The following ADGRV1 variants were observed in gnomAD, a reference collection of about 807,000 sequenced individuals.
ADGRV1 encodes adhesion G protein-coupled receptor V1.
Under a neutral mutation model 596.2 loss-of-function variants are expected in ADGRV1, and 359 were observed. The observed-to-expected ratio is 0.60, with a 90% CI of 0.55 to 0.66. The LOEUF is 0.66. ADGRV1 is among the 30% of genes least tolerant of loss of function. ADGRV1 has a pLI of 0.00. For missense variants in ADGRV1, 7,274 were observed against 7,575.6 expected, an observed-to-expected ratio of 0.96 and a Z score of 1.48; for synonymous variants, 2,681 against 2,679.2, an observed-to-expected ratio of 1.00 and a Z score of -0.02.
At chr5:90,896,715 T>C (rs1484505612) in intron 83 of ADGRV1, among the ~76,000 whole-genome samples, 3 of 152,196 alleles carry the variant, frequency 2.0e-5, no homozygotes, top group African/African-American at 7.2e-5. Context: ...CTTTATTATA[T>C]GGTTTAAATA....
Position 91,096,149 on chromosome 5 carries a change from CAGA to C in ADGRV1, c.18311-6067_18311-6065del, listed in dbSNP as rs528246055. Among the ~76,000 whole-genome samples, 256 of 152,240 alleles carry C rather than the reference CAGA, an allele frequency of 1.7e-3. 1 individual carries two copies. Among genetic ancestry groups the C allele is most frequent in the African/African-American group, 6.0e-3 (249 of 41,524 alleles). ...GTAGCACATTCCAAATTGTTAGTATCAGAAGGTCAGTGAGGTAAAATTAAAACA... is the reference window on the plus strand; with the variant it reads ...GTAGCACATTCCAAATTGTTAGTATCAGGTCAGTGAGGTAAAATTAAAACA... On this transcript the variant is annotated intron_variant, in intron 86 of 89. Transcript: ENST00000405460.
intron 83 of ADGRV1, among the ~76,000 whole-genome samples, chr5:90,953,459 C>T (rs1777214897): frequency 6.6e-6 from 1 of 152,068 alleles, no homozygotes; most frequent in Admixed American, 6.6e-5. Context: ...TAGGACAGTT[C>T]TGGAATTTAT....
At chr5:90,989,776 C>T (rs1447037724) in intron 85 of ADGRV1, among the ~76,000 whole-genome samples, 1 of 152,090 alleles carries the variant, frequency 6.6e-6, no homozygotes, top group Non-Finnish European at 1.5e-5. Context: ...CCTTGTTTTC[C>T]TTTGTAACTG....
At position 90,755,167 on chromosome 5, in the gene ADGRV1, C is replaced by T. The variant is rs182115637; in HGVS notation, c.11562C>T (p.Ala3854=). The change falls in exon 55 of 90, where the codon GCC becomes GCT. Residue 3854 remains alanine (A), a synonymous_variant. Coordinates refer to ENST00000405460, the MANE Select transcript of ADGRV1 (RefSeq NM_032119.4). The part of the protein sequence containing the change: ...IMKENIKEAH[A]EVSILPDDLP... ...AAGAAAACATAAAAGAAGCTCATGC[C>T]GAAGTTTCCATTTTGCCGGTAAGTC... is the stretch of plus-strand genomic sequence containing the variant. 267 of 1,600,996 alleles carry T rather than the reference C, an allele frequency of 1.7e-4. 1 individual carries two copies. The highest frequency in any genetic ancestry group is 1.2e-4 in the African/African-American group (9 of 74,638).
chr5:90,768,444 G>A (rs1171284904), intron 59 of ADGRV1, among the ~76,000 whole-genome samples: 1 of 152,148 alleles, frequency 6.6e-6, no homozygotes, highest in Admixed American at 6.5e-5. Flanking sequence ...ATGCCCAGGT[G>A]GAAATCGTTC....
chr5:90,709,223 T>C (rs1749010772), intron 39 of ADGRV1, among the ~76,000 whole-genome samples: 2 of 152,212 alleles, frequency 1.3e-5, no homozygotes. Context: ...CTGTTTTCAG[T>C]AGATCTCCAA....
At chr5:90,691,288 C>T in intron 31 of ADGRV1, 1 of 489,536 alleles carries the variant, frequency 2.0e-6, no homozygotes, top group Non-Finnish European at 3.8e-6. Context: ...TTGCATTGTT[C>T]AACATTTTGG....
Position 90,642,836 on chromosome 5 carries a change from T to C in ADGRV1, c.2368-20T>C, listed in dbSNP as rs763194173. 1.3e-6 allele frequency: 2 copies of C among 1,597,252 alleles called. No individual in the cohort carries two copies. The highest frequency in any genetic ancestry group is 2.2e-5 in the East Asian group (1 of 44,760). Reference sequence around the variant, plus strand: ...GAATGATCTCAAAGGGTTTCAACTTTTGTGGATTTGTTTTTAAAGGAAGGA... The same window carrying C: ...GAATGATCTCAAAGGGTTTCAACTTCTGTGGATTTGTTTTTAAAGGAAGGA... On this transcript the variant is annotated intron_variant, in intron 12 of 89. Coordinates refer to ENST00000405460, the MANE Select transcript of ADGRV1 (RefSeq NM_032119.4).
At chr5:91,113,007 CTG>C (rs1792510602) in intron 87 of ADGRV1, among the ~76,000 whole-genome samples, 1 of 152,152 alleles carries the variant, frequency 6.6e-6, no homozygotes, top group Non-Finnish European at 1.5e-5. Flanking sequence ...AGAGCTGAGA[CTG>C]TAAACCTAGT....
At position 90,815,784 on chromosome 5, in the gene ADGRV1, T is replaced by C. The variant is rs1250798047; in HGVS notation, c.16196+48T>C. On this transcript the variant is annotated intron_variant, in intron 75 of 89. Transcript: ENST00000405460. ...GAAGACGTAACATTCTGTGTGTCTG[T>C]ACAAATGTAATTTCAATTCATACAA... 5.6e-6 allele frequency: 6 copies of C among 1,063,826 alleles called. No homozygotes were observed. In the African/African-American group the frequency reaches 6.3e-5, roughly 11 times the overall value. The allele number at this position is 1,063,826 out of a possible 1,614,324, so 65.9% of individuals were successfully genotyped here. A position where few individuals can be genotyped will look rare whatever the true frequency, so the allele number is the denominator to read the frequency against.
chr5:90,689,951 A>C lies in ADGRV1; in HGVS notation c.6581A>C (p.Tyr2194Ser). Reference sequence around the variant, plus strand: ...CCAATATATGTCATTAATGATATCTATCCTGAACTGGAAGAATCTTTTCTT... The same window carrying C: ...CCAATATATGTCATTAATGATATCTCTCCTGAACTGGAAGAATCTTTTCTT... Reference protein sequence around the residue: ...AVPIYVINDIYPELEESFLVQ... With the variant: ...AVPIYVINDISPELEESFLVQ... Residue 2194 changes from tyrosine to serine, a missense_variant, in exon 30 of 90, where the codon TAT becomes TCT. Transcript: ENST00000405460. 1 of 1,612,566 alleles carries C rather than the reference A, an allele frequency of 6.2e-7. No homozygotes were observed. Among genetic ancestry groups the C allele is most frequent in the Non-Finnish European group, 8.5e-7 (1 of 1,179,194 alleles).
At chr5:90,627,163 G>T (rs1764872482) in intron 6 of ADGRV1, 48 bp from the exon 7 acceptor site, 1 of 1,003,182 alleles carries the variant, frequency 1.0e-6, no homozygotes, top group Non-Finnish European at 1.4e-6. Context: ...TTTATTTGCA[G>T]GTGTTTTGGC....
At chr5:90,627,159 T>A (rs1247505716) in intron 6 of ADGRV1, 52 bp from the exon 7 acceptor site, 13 of 963,894 alleles carry the variant, frequency 1.3e-5, no homozygotes, top group Non-Finnish European at 1.8e-5. Context: ...TTAGTTTATT[T>A]GCAGGTGTTT....
At chr5:90,769,428 T>C (rs965342304) in intron 59 of ADGRV1, among the ~76,000 whole-genome samples, 3 of 152,162 alleles carry the variant, frequency 2.0e-5, no homozygotes, top group African/African-American at 7.2e-5. Context: ...TAAGTATCAC[T>C]GTAGGCTGGT....
intron 42 of ADGRV1, among the ~76,000 whole-genome samples, chr5:90,714,522 C>G (rs896483223): frequency 5.3e-5 from 8 of 151,736 alleles, no homozygotes; most frequent in Non-Finnish European, 7.4e-5. Flanking sequence ...TTTCTTAGGT[C>G]TTTTCACCCA....
intron 76 of ADGRV1, among the ~76,000 whole-genome samples, chr5:90,827,597 G>A (rs1022394955): frequency 1.3e-5 from 2 of 152,102 alleles, no homozygotes; most frequent in African/African-American, 4.8e-5. Context: ...ATTCAAGCTC[G>A]CTTGGCCATA....
Position 90,829,307 on chromosome 5 carries a change from T to G in ADGRV1, c.16611+121T>G, listed in dbSNP as rs539030322. On this transcript the variant is annotated intron_variant, in intron 77 of 89. Coordinates refer to ENST00000405460, the MANE Select transcript of ADGRV1 (RefSeq NM_032119.4). The stretch of plus-strand genomic sequence containing the variant: ...TGAGGATAACATCGTAATTCACTTT[T>G]TATTCATTACATTAAGCTTTATCCT... The G allele has an allele frequency of 1.5e-5, 13 of 881,350 alleles. No homozygotes were observed. In the African/African-American group the frequency reaches 1.5e-4, roughly 10 times the overall value. 54.6% of individuals were successfully genotyped at this position (881,350 alleles called of 1,614,324 possible).
At chr5:90,595,154 G>C (rs1366548286) in intron 1 of ADGRV1, among the ~76,000 whole-genome samples, 1 of 113,754 alleles carries the variant, frequency 8.8e-6, no homozygotes, top group Non-Finnish European at 1.9e-5. Flanking sequence ...CGGCTGGCCG[G>C]GTGGGGGGCT....
chr5:90,706,891 A>T (rs1487118422), intron 38 of ADGRV1, among the ~76,000 whole-genome samples: 2 of 151,766 alleles, frequency 1.3e-5, no homozygotes, highest in African/African-American at 4.8e-5. Flanking sequence ...TGTTGTTTTA[A>T]TCATACAGGG....
Sources: allele counts gnomAD v4.1 joint callset (sites outside exome capture counted in the v4.1 genomes callset), GRCh38; gene constraint gnomAD v4.1.1; transcripts MANE v1.5; gene names NCBI Gene and HGNC (gene_info 2026-07-23, HGNC 2026-07-21).